The following ZFHX2 variants were observed in gnomAD, a reference collection of about 807,000 sequenced individuals.
ZFHX2 encodes the protein zinc finger homeobox 2, also known as zinc finger homeobox protein 2.
ZFHX2 carries 75 observed loss-of-function variants against 164.8 expected under a neutral mutation model. The ratio of observed to expected loss-of-function variants is 0.46; its 90% CI spans 0.38 to 0.55. ZFHX2 has a LOEUF of 0.55. ZFHX2 is among the 20% of genes least tolerant of loss of function. The pLI, the probability that ZFHX2 is intolerant of heterozygous loss-of-function variation, is 0.00. For synonymous variants in ZFHX2, 1,217 were observed against 1,351.4 expected, an observed-to-expected ratio of 0.90 and a Z score of 2.18; for missense variants, 2,933 against 3,308.0, an observed-to-expected ratio of 0.89 and a Z score of 2.78.
At chr14:23,529,340 C>G (rs1468988566) in intron 6 of ZFHX2, 1 of 239,374 alleles carries the variant, frequency 4.2e-6, no homozygotes, top group Non-Finnish European at 8.2e-6. Flanking sequence ...GGTGTCTTGT[C>G]TTTCTGCTCC....
intron 1 of ZFHX2, among the ~76,000 whole-genome samples, chr14:23,550,256 A>C (rs1881814857): frequency 6.6e-6 from 1 of 152,162 alleles, no homozygotes; most frequent in Non-Finnish European, 1.5e-5. Context: ...TGCTGAAGGC[A>C]CTAGAGGCTT....
rs1191155526 is a variant in ZFHX2, at chr14:23,533,157, G to T, written c.2042-73C>A. On this transcript the variant is annotated intron_variant, in intron 2 of 9. Transcript: ENST00000419474. This position sits in a 1 kb window ranked among gnomAD's most constrained non-coding sequence, Gnocchi z 4.8. ...GTTGGTTCTCTATGTGGGGAGGTGG[G>T]TTAATGAGTAGGATAGTGCTCAGAG... 1.4e-6 allele frequency: 2 copies of T among 1,457,146 alleles called. No individual in the cohort carries two copies. Among genetic ancestry groups the T allele is most frequent in the South Asian group, 1.4e-5 (1 of 71,306 alleles). The allele number at this position is 1,457,146 out of a possible 1,614,324, so 90.3% of individuals were successfully genotyped here.
rs1389624759 is a variant in ZFHX2, at chr14:23,525,359, G to A, written c.4583C>T (p.Pro1528Leu). ...QFRKSYDSLY[P>L]PLAEPPKPPD... ...AGGTTTGGGAGGCTCTGCAAGGGGC[G>A]GGTATAGGCTGTCATAGCTCTTTCG... The change falls in exon 9 of 10, where the codon CCG (proline) becomes CTG (leucine). Residue 1528 changes from proline to leucine, a missense_variant. By Grantham distance (98) the Pro-to-Leu change is moderately conservative (BLOSUM62 -3). Coordinates refer to ENST00000419474, the MANE Select transcript of ZFHX2 (RefSeq NM_033400.3). The surrounding 1 kb of genome is among the most constrained non-coding windows in gnomAD (Gnocchi z 5.9). 2 of 1,536,148 alleles carry A rather than the reference G, an allele frequency of 1.3e-6. No homozygotes were observed. Among genetic ancestry groups the A allele is most frequent in the East Asian group, 2.4e-5 (1 of 40,906 alleles).
chr14:23,545,737 G>C (rs1359293476), intron 1 of ZFHX2, among the ~76,000 whole-genome samples: 1 of 152,226 alleles, frequency 6.6e-6, no homozygotes, highest in African/African-American at 2.4e-5. Context: ...AGATGGCTGG[G>C]GGGAAATGCA....
chr14:23,525,430 G>A lies in ZFHX2; in HGVS notation c.4512C>T (p.Arg1504=), dbSNP rs1429366729. ...ILKTHEEHVH[R]RFLPFEALSR... ...TCAGGGCTTCAAAGGGCAGAAAGCG[G>A]CGGTGGACATGTTCCTCGTGTGTCT... The change falls in exon 9 of 10, where the codon CGC becomes CGT. Residue 1504 remains arginine, a synonymous_variant. Coordinates refer to ENST00000419474, the MANE Select transcript of ZFHX2 (RefSeq NM_033400.3). This position sits in a 1 kb window ranked among gnomAD's most constrained non-coding sequence, Gnocchi z 5.9. 6.5e-7 allele frequency: 1 copy of A among 1,536,180 alleles called. No homozygotes were observed. Among genetic ancestry groups the A allele is most frequent in the African/African-American group, 1.4e-5 (1 of 73,184 alleles).
At chr14:23,540,346 TAG>T (rs1880664156) in intron 1 of ZFHX2, among the ~76,000 whole-genome samples, 1 of 152,216 alleles carries the variant, frequency 6.6e-6, no homozygotes, top group Admixed American at 6.5e-5. Flanking sequence ...CACTTTCCCT[TAG>T]AGTCAATTTT....
Position 23,523,787 on chromosome 14 carries a change from C to A in ZFHX2, c.6155G>T (p.Gly2052Val). 6.5e-7 allele frequency: 1 copy of A among 1,536,218 alleles called. No individual in the cohort carries two copies. The highest frequency in any genetic ancestry group is 1.7e-4 in the Middle Eastern group (1 of 5,990). Residue 2052 changes from glycine (G) to valine (V), a missense_variant, in exon 9 of 10, where the codon GGA becomes GTA. Coordinates refer to ENST00000419474, the MANE Select transcript of ZFHX2 (RefSeq NM_033400.3). The surrounding 1 kb of genome is among the most constrained non-coding windows in gnomAD (Gnocchi z 4.1). ...TGGAACCCCAGTCCCACCTCCAGGT[C>A]CCCCACTGGTCCCTCCAGCCCCAGG... The part of the protein sequence containing the change: ...ESPGAGGTSG[G>V]PGGGTGVPDG...
intron 1 of ZFHX2, among the ~76,000 whole-genome samples, chr14:23,536,371 T>C (rs1880142870): frequency 6.6e-6 from 1 of 152,182 alleles, no homozygotes; most frequent in Admixed American, 6.5e-5. Flanking sequence ...TTGCCAGAGA[T>C]AGGGCATAAT....
chr14:23,527,513 T>C (rs1878894360), intron 7 of ZFHX2, 91 bp downstream of exon 7: 2 of 1,475,034 alleles, frequency 1.4e-6, no homozygotes, highest in Admixed American at 2.0e-5. Context: ...CCCCAACACA[T>C]GCACCTGCCT....
At position 23,522,823 on chromosome 14, in the gene ZFHX2, GGT is replaced by G. The variant is rs1878195988; in HGVS notation, c.6856_6857del (p.Thr2286GlnfsTer9). 1 of 1,535,352 alleles carries G rather than the reference GGT, an allele frequency of 6.5e-7. No homozygotes were observed. Among genetic ancestry groups the G allele is most frequent in the African/African-American group, 1.4e-5 (1 of 73,046 alleles). On this transcript the variant is annotated frameshift_variant, in exon 10 of 10. Coordinates refer to ENST00000419474, the MANE Select transcript of ZFHX2 (RefSeq NM_033400.3). LOFTEE classifies it high-confidence loss of function. ...PLPQRPMPDQ[T>X]NTSTAGTTDP... ...CAGTGGTGCCTGCTGTGGAGGTGTT[GGT>G]TTGGTCGGGCATGGGTCTCTGAGGT...
At chr14:23,531,341 C>G in intron 4 of ZFHX2, 140 bp downstream of exon 4, 1 of 1,233,824 alleles carries the variant, frequency 8.1e-7, no homozygotes. Context: ...CTTATCCCTT[C>G]GCAGCTTCTT....
At chr14:23,527,560 C>T in intron 7 of ZFHX2, 44 bp downstream of exon 7, 1 of 1,535,210 alleles carries the variant, frequency 6.5e-7, no homozygotes, top group Non-Finnish European at 8.7e-7. Context: ...CTGCACAGCC[C>T]TAATAAGGTC....
Position 23,534,088 on chromosome 14 carries a change from C to T in ZFHX2, c.1238G>A (p.Ser413Asn). The T allele has an allele frequency of 6.6e-7, 1 of 1,505,756 alleles. No homozygotes were observed. The highest frequency in any genetic ancestry group is 8.8e-7 in the Non-Finnish European group (1 of 1,130,276). The allele number at this position is 1,505,756 out of a possible 1,614,324, so 93.3% of individuals were successfully genotyped here. The part of the protein sequence containing the change: ...PAPVGSPEDP[S>N]DPPQPYRLAD... ...TAGGCGATAGGGCTGGGGTGGGTCA[C>T]TGGGGTCTTCGGGGGAGCCCACTGG... The change falls in exon 2 of 10, where the codon AGT (serine) becomes AAT (asparagine). Residue 413 changes from serine to asparagine, a missense_variant. Ser to Asn is a conservative substitution (Grantham distance 46, BLOSUM62 1). Coordinates refer to ENST00000419474, the MANE Select transcript of ZFHX2 (RefSeq NM_033400.3). This position sits in a 1 kb window ranked among gnomAD's most constrained non-coding sequence, Gnocchi z 4.5.
rs867186740 is a variant in ZFHX2, at chr14:23,533,501, G to A, written c.1825C>T (p.Pro609Ser). The change falls in exon 2 of 10, where the codon CCA (proline) becomes TCA (serine). Residue 609 changes from proline (P) to serine (S), a missense_variant. Pro to Ser is a moderately conservative substitution (Grantham distance 74). Coordinates refer to ENST00000419474, the MANE Select transcript of ZFHX2 (RefSeq NM_033400.3). This position sits in a 1 kb window ranked among gnomAD's most constrained non-coding sequence, Gnocchi z 4.8. ...MLHQGLPLGL[P>S]PGLMGPGPPP... ...GGGCCTGGCCCCATCAATCCAGGTG[G>A]CAGGCCCAGCGGCAGCCCCTGGTGC... The A allele has an allele frequency of 1.6e-5, 25 of 1,535,970 alleles. No individual in the cohort carries two copies. In the African/African-American group the frequency reaches 2.9e-4, roughly 18 times the overall value.
In ZFHX2 at chr14:23,525,052, A is replaced by T; in HGVS notation, c.4890T>A (p.Ser1630Arg). The T allele has an allele frequency of 6.5e-7, 1 of 1,536,086 alleles. No individual in the cohort carries two copies. The highest frequency in any genetic ancestry group is 8.7e-7 in the Non-Finnish European group (1 of 1,146,894). ...CCACACGGCTAGCCAGACCCAACAG[A>T]CTTGCGAGTCGCTCCACCTCTCCGT... Reference protein sequence around the residue: ...PKDGEVERLASLLGLASRVVV... With the variant: ...PKDGEVERLARLLGLASRVVV... The change falls in exon 9 of 10, where the codon AGT (serine) becomes AGA (arginine). Residue 1630 changes from serine (S) to arginine (R), a missense_variant. By Grantham distance (110) the Ser-to-Arg change is moderately radical. Coordinates refer to ENST00000419474, the MANE Select transcript of ZFHX2 (RefSeq NM_033400.3). This position sits in a 1 kb window ranked among gnomAD's most constrained non-coding sequence, Gnocchi z 5.9.
At chr14:23,530,013 CAGTTTTGCTCCTTG>C in intron 5 of ZFHX2, 93 bp downstream of exon 5, 1 of 1,186,890 alleles carries the variant, frequency 8.4e-7, no homozygotes, top group South Asian at 1.3e-5. Context: ...TTTCTTTAAT[CAGTTTTGCTCCTTG>C]AGCACAGACA....
chr14:23,534,789 T>C lies in ZFHX2; in HGVS notation c.537A>G (p.Gln179=), dbSNP rs921938201. The part of the protein sequence containing the change: ...LHIQHGFDPI[Q]GFSSSDQILS... ...GAATTTGGTCAGAAGAGCTAAAGCC[T>C]TGGATTGGGTCAAAGCCATGTTGGA... is the stretch of plus-strand genomic sequence containing the variant. Residue 179 remains glutamine (Q), a synonymous_variant, in exon 2 of 10, where the codon CAA becomes CAG. Coordinates refer to ENST00000419474, the MANE Select transcript of ZFHX2 (RefSeq NM_033400.3). The surrounding 1 kb of genome is among the most constrained non-coding windows in gnomAD (Gnocchi z 4.5). 2 of 1,536,126 alleles carry C rather than the reference T, an allele frequency of 1.3e-6. No individual in the cohort carries two copies. The highest frequency in any genetic ancestry group is 1.7e-6 in the Non-Finnish European group (2 of 1,146,876).
chr14:23,536,397 T>C (rs895855838), intron 1 of ZFHX2, among the ~76,000 whole-genome samples: 3 of 152,202 alleles, frequency 2.0e-5, no homozygotes, highest in Non-Finnish European at 4.4e-5. Context: ...TCCCCTGGCA[T>C]GCAGGCACCA....
chr14:23,553,873 G>A (rs1041642506), upstream of ZFHX2, among the ~76,000 whole-genome samples: 6 of 151,870 alleles, frequency 4.0e-5, no homozygotes, highest in African/African-American at 9.7e-5. Flanking sequence ...CAGCCTGGGC[G>A]ACAAAGCGAG....
Sources: allele counts gnomAD v4.1 joint callset (sites outside exome capture counted in the v4.1 genomes callset), GRCh38; gene constraint gnomAD v4.1.1; non-coding constraint Gnocchi (gnomAD v3.1); transcripts MANE v1.5; gene names NCBI Gene and HGNC (gene_info 2026-07-23, HGNC 2026-07-21).